Variants in GALNT13 observed in about 807,000 individuals in gnomAD.
GALNT13 encodes UDP-GalNAc:polypeptide N-acetylgalactosaminyltransferase 13.
In GALNT13, 28 loss-of-function variants were observed where a neutral mutation model predicts 64.2. The observed-to-expected ratio is 0.44, with a 90% CI of 0.32 to 0.60. The LOEUF (loss-of-function observed/expected upper bound fraction) is 0.60. Among genes scored for constraint, GALNT13 ranks in the 20% least tolerant of loss-of-function variants. GALNT13 has a pLI of 0.05. For missense variants in GALNT13, 577 were observed against 669.8 expected (o/e 0.86, Z 1.53); for synonymous variants, 214 against 224.6 (o/e 0.95, Z 0.42).
intron 9 of GALNT13, among the ~76,000 whole-genome samples, chr2:154,344,902 A>G (rs1228693131): frequency 6.6e-6 from 1 of 151,996 alleles, no homozygotes; most frequent in Non-Finnish European, 1.5e-5. Context: ...GATGGGATCT[A>G]TGCCCACTGG....
chr2:153,087,837 A>G, the GALNT13 span, among the ~76,000 whole-genome samples: 1 of 152,054 alleles, frequency 6.6e-6, no homozygotes, highest in African/African-American at 2.4e-5. Context: ...TGTCTAATTG[A>G]ACTTATTTCG....
chr2:153,506,493 A>G, the GALNT13 span, among the ~76,000 whole-genome samples: 2 of 152,142 alleles, frequency 1.3e-5, no homozygotes, highest in African/African-American at 4.8e-5. Flanking sequence ...ATTTGTTTCA[A>G]TATTTAGAGC....
the GALNT13 span, among the ~76,000 whole-genome samples, chr2:153,710,688 C>T: frequency 6.6e-6 from 1 of 152,054 alleles, no homozygotes; most frequent in Non-Finnish European, 1.5e-5. Flanking sequence ...AACCATCCAA[C>T]AATCCTTGCT....
chr2:153,573,976 C>A, the GALNT13 span, among the ~76,000 whole-genome samples: 1 of 151,902 alleles, frequency 6.6e-6, no homozygotes, highest in Non-Finnish European at 1.5e-5. Context: ...CATTAATGTC[C>A]TTTTCTGTCT....
At chr2:153,868,136 T>C (rs546824302), upstream of GALNT13, among the ~76,000 whole-genome samples, 14 of 152,300 alleles carry the variant, frequency 9.2e-5, no homozygotes, top group Admixed American at 5.9e-4. Flanking sequence ...AATATAGCAG[T>C]GAGCATTAGC....
chr2:153,278,567 G>T, the GALNT13 span, among the ~76,000 whole-genome samples: 1 of 151,918 alleles, frequency 6.6e-6, no homozygotes, highest in Non-Finnish European at 1.5e-5. Flanking sequence ...TTATTCTTCT[G>T]CTTGTGGTCA....
chr2:154,274,488 C>T (rs554383934), intron 8 of GALNT13, among the ~76,000 whole-genome samples: 3 of 152,038 alleles, frequency 2.0e-5, no homozygotes, highest in South Asian at 2.1e-4. Flanking sequence ...GTAGTCCCCA[C>T]GTGTCATGGA....
intron 4 of GALNT13, among the ~76,000 whole-genome samples, chr2:154,238,961 T>C (rs1689338206): frequency 6.6e-6 from 1 of 152,082 alleles, no homozygotes; most frequent in Admixed American, 6.5e-5. Context: ...CCCCCATAAC[T>C]GAACCATTTT....
chr2:153,998,441 C>T (rs1464414820), intron 3 of GALNT13, among the ~76,000 whole-genome samples: 1 of 152,090 alleles, frequency 6.6e-6, no homozygotes, highest in Non-Finnish European at 1.5e-5. Context: ...TAAAGGTCTT[C>T]TTTTGAGAAG....
intron 11 of GALNT13, among the ~76,000 whole-genome samples, chr2:154,423,954 C>T (rs1306420500): frequency 6.6e-6 from 1 of 152,062 alleles, no homozygotes; most frequent in Admixed American, 6.6e-5. Context: ...GTCTTCCACC[C>T]CCAACCCTAG....
chr2:154,018,985 C>T (rs552766562), intron 3 of GALNT13, among the ~76,000 whole-genome samples: 10 of 151,858 alleles, frequency 6.6e-5, no homozygotes, highest in South Asian at 4.2e-4. Context: ...GAAAGATAAA[C>T]GAGAGAGAGA....
chr2:153,367,788 G>A, the GALNT13 span, among the ~76,000 whole-genome samples: 1 of 151,292 alleles, frequency 6.6e-6, no homozygotes, highest in African/African-American at 2.4e-5. Flanking sequence ...AATCTTAGAG[G>A]GACCAGTAAA....
the GALNT13 span, among the ~76,000 whole-genome samples, chr2:153,723,628 A>G: frequency 1.3e-5 from 2 of 152,118 alleles, no homozygotes; most frequent in Non-Finnish European, 2.9e-5. Context: ...ATATCAATGT[A>G]CAAAAATCAC....
the GALNT13 span, among the ~76,000 whole-genome samples, chr2:153,147,091 G>A: frequency 1.6e-4 from 24 of 151,854 alleles, no homozygotes; most frequent in East Asian, 9.7e-4. Context: ...TGAGTTTCGC[G>A]GAGGAGAAAT....
the GALNT13 span, among the ~76,000 whole-genome samples, chr2:153,358,354 G>A: frequency 6.6e-6 from 1 of 152,170 alleles, no homozygotes; most frequent in Non-Finnish European, 1.5e-5. Flanking sequence ...AGAAGGTAAT[G>A]TAGAACCAAA....
chr2:153,799,058 A>C, the GALNT13 span, among the ~76,000 whole-genome samples: 9 of 152,162 alleles, frequency 5.9e-5, no homozygotes, highest in Non-Finnish European at 1.2e-4. Flanking sequence ...ATGAAATGCA[A>C]GCTCACTGGC....
chr2:153,313,978 A>G, the GALNT13 span, among the ~76,000 whole-genome samples: 1 of 152,110 alleles, frequency 6.6e-6, no homozygotes, highest in Non-Finnish European at 1.5e-5. Context: ...TGTGTTGACT[A>G]TTCTTAGCCT....
intron 3 of GALNT13, among the ~76,000 whole-genome samples, chr2:154,116,046 T>C (rs1397411475): frequency 6.6e-6 from 1 of 152,156 alleles, no homozygotes; most frequent in Non-Finnish European, 1.5e-5. Flanking sequence ...ATCAACATTA[T>C]CTTGCCTGGC....
intron 9 of GALNT13, among the ~76,000 whole-genome samples, chr2:154,374,263 C>T (rs1279806923): frequency 6.6e-6 from 1 of 152,184 alleles, no homozygotes; most frequent in African/African-American, 2.4e-5. Context: ...TTATCTAGAT[C>T]TCCCTTTGTT....
Sources: allele counts gnomAD v4.1 joint callset (sites outside exome capture counted in the v4.1 genomes callset), GRCh38; gene constraint gnomAD v4.1.1; transcripts MANE v1.5; gene names NCBI Gene and HGNC (gene_info 2026-07-23, HGNC 2026-07-21).